The following KDM6A variants were observed in gnomAD, a reference collection of about 807,000 sequenced individuals.
KDM6A encodes the protein lysine demethylase 6A.
In KDM6A, 11 loss-of-function variants were observed where a neutral mutation model predicts 117.6. The ratio of observed to expected loss-of-function variants is 0.09; its 90% CI spans 0.06 to 0.15. The LOEUF is 0.15. Ranked by LOEUF, KDM6A falls within the 10% of genes least tolerant of loss-of-function variation. KDM6A has a pLI of 1.00. For missense variants in KDM6A, 799 were observed against 1,077.3 expected (o/e 0.74, Z 3.62); for synonymous variants, 384 against 396.1 (o/e 0.97, Z 0.36).
rs558528887 is a variant in KDM6A, at chrX:44,955,000, G to A, written c.226-6284G>A. On this transcript the variant is annotated intron_variant, in intron 2 of 29. Coordinates refer to ENST00000611820, the MANE Select transcript of KDM6A (RefSeq NM_001291415.2). Reference sequence around the variant, plus strand: ...AGGCATAAAGAAATGATTTGACTAGGTGCTGTTAATGAAAAGGAAAGTTAA... The same window carrying A: ...AGGCATAAAGAAATGATTTGACTAGATGCTGTTAATGAAAAGGAAAGTTAA... 5.1e-4 allele frequency among the ~76,000 whole-genome samples: 57 copies of A among 111,544 alleles called. 3 individuals are homozygous for A. The South Asian group carries it at 0.021, about 42-fold the overall frequency.
intron 6 of KDM6A, among the ~76,000 whole-genome samples, chrX:45,030,841 T>G (rs2042574950): frequency 9.0e-6 from 1 of 110,939 alleles, no homozygotes; most frequent in Admixed American, 9.6e-5. Context: ...ACCTGAGGCA[T>G]GTGCCACCAT....
intron 4 of KDM6A, among the ~76,000 whole-genome samples, chrX:44,995,943 A>G (rs751742311): frequency 3.6e-5 from 4 of 112,139 alleles, no homozygotes; most frequent in Non-Finnish European, 7.5e-5. Flanking sequence ...TACATGTATC[A>G]TCTCATTTAA....
intron 19 of KDM6A, 122 bp from the exon 20 acceptor site, chrX:45,078,278 A>G: frequency 1.5e-6 from 1 of 655,523 alleles, no homozygotes. Context: ...TGTCAAATAG[A>G]AATATCACCC....
chrX:44,913,578 C>G (rs2035357473), intron 2 of KDM6A, among the ~76,000 whole-genome samples: 1 of 110,746 alleles, frequency 9.0e-6, no homozygotes, highest in African/African-American at 3.3e-5. Context: ...GCTGGGATTA[C>G]AGACATGAGC....
At chrX:45,063,261 T>C in intron 16 of KDM6A, among the ~76,000 whole-genome samples, 161 bp from the exon 17 acceptor site, 1 of 111,776 alleles carries the variant, frequency 8.9e-6, no homozygotes, top group Non-Finnish European at 1.9e-5. Flanking sequence ...TTTTAAAGTA[T>C]GTATTTCTCA....
At chrX:44,912,381 TCCTGGCCTTTTCA>T (rs2035265182) in intron 2 of KDM6A, among the ~76,000 whole-genome samples, 1 of 111,928 alleles carries the variant, frequency 8.9e-6, no homozygotes, top group African/African-American at 3.3e-5. Context: ...GAGCCACTGT[TCCTGGCCTTTTCA>T]TAAACTTTTA....
chrX:45,004,556 C>T (rs775773828), intron 4 of KDM6A, among the ~76,000 whole-genome samples: 29 of 111,273 alleles, frequency 2.6e-4, no homozygotes, highest in African/African-American at 8.5e-4. Flanking sequence ...AAATTGAGGC[C>T]TGCATATTGC....
intron 4 of KDM6A, among the ~76,000 whole-genome samples, chrX:44,993,534 T>C (rs965385270): frequency 9.0e-6 from 1 of 110,998 alleles, no homozygotes; most frequent in Admixed American, 9.6e-5. Flanking sequence ...CACTGACTCC[T>C]AGTTTTCCTG....
chrX:45,045,618 A>T (rs1301658405), intron 8 of KDM6A, among the ~76,000 whole-genome samples: 1 of 109,304 alleles, frequency 9.1e-6, no homozygotes. Context: ...AAGTGAAATC[A>T]TACAATATTT....
chrX:45,038,596 G>T (rs192715505), intron 8 of KDM6A, among the ~76,000 whole-genome samples: 4 of 108,030 alleles, frequency 3.7e-5, no homozygotes, highest in Non-Finnish European at 3.8e-5. Flanking sequence ...ACACATTTGG[G>T]GGGGGGTGGT....
intron 4 of KDM6A, among the ~76,000 whole-genome samples, chrX:44,985,069 G>T (rs1353217468): frequency 9.1e-6 from 1 of 109,647 alleles, no homozygotes; most frequent in Non-Finnish European, 1.9e-5. Context: ...CCATTTGTTT[G>T]TATCCTCTTT....
chrX:44,900,774 G>A (rs2034290946), intron 2 of KDM6A, among the ~76,000 whole-genome samples: 1 of 111,287 alleles, frequency 9.0e-6, no homozygotes, highest in African/African-American at 3.3e-5. Flanking sequence ...GCAGGAGCCG[G>A]TAATCCCAGC....
intron 14 of KDM6A, 21 bp from the exon 15 acceptor site, chrX:45,061,303 T>C (rs759173680): frequency 2.0e-6 from 2 of 1,008,802 alleles, no homozygotes; most frequent in African/African-American, 3.8e-5. Flanking sequence ...TTAATTTTTT[T>C]TTTAAATCGA....
At chrX:45,059,916 A>G (rs1602790621) in intron 12 of KDM6A, 106 bp from the exon 13 acceptor site, 15 of 1,105,000 alleles carry the variant, frequency 1.4e-5, no homozygotes, top group East Asian at 3.3e-5. Context: ...TTTAGAATCT[A>G]TTTTCTTTTA....
At chrX:44,932,084 CTTTTTTTTTT>C (rs796121677) in intron 2 of KDM6A, among the ~76,000 whole-genome samples, 9 of 17,074 alleles carry the variant, frequency 5.3e-4, no homozygotes, top group East Asian at 3.0e-3. Flanking sequence ...TCTAGGTAGC[CTTTTTTTTTT>C]TTTTTTTTTT....
intron 6 of KDM6A, among the ~76,000 whole-genome samples, chrX:45,029,458 A>G (rs1461112253): frequency 3.7e-5 from 4 of 109,309 alleles, no homozygotes; most frequent in Non-Finnish European, 7.6e-5. Flanking sequence ...ACATACATAC[A>G]AAATTTAGTC....
intron 28 of KDM6A, among the ~76,000 whole-genome samples, chrX:45,109,670 T>C (rs1432698921): frequency 9.0e-6 from 1 of 111,278 alleles, no homozygotes; most frequent in Non-Finnish European, 1.9e-5. Flanking sequence ...CCCTAGCAAC[T>C]CATCAATCTT....
At chrX:45,068,823 T>TCTTTCCCTTTCC (rs1556327258) in intron 17 of KDM6A, among the ~76,000 whole-genome samples, 4 of 95,827 alleles carry the variant, frequency 4.2e-5, no homozygotes, top group Non-Finnish European at 5.9e-5. Context: ...TTTCTCTTTC[T>TCTTTCCCTTTCC]CTTTCCCTTT....
At chrX:44,993,565 A>G (rs187197484) in intron 4 of KDM6A, among the ~76,000 whole-genome samples, 128 of 110,677 alleles carry the variant, frequency 1.2e-3, no homozygotes, top group Non-Finnish European at 2.3e-3. Flanking sequence ...AAAAGTTGTT[A>G]GTGTTGTTTT....
Sources: allele counts gnomAD v4.1 joint callset (sites outside exome capture counted in the v4.1 genomes callset), GRCh38; gene constraint gnomAD v4.1.1; transcripts MANE v1.5; gene names NCBI Gene and HGNC (gene_info 2026-07-23, HGNC 2026-07-21).